CROCC2: variants seen among roughly 807,000 people sequenced by gnomAD.
CROCC2 encodes ciliary rootlet coiled-coil protein 2.
Under a neutral mutation model 177.6 loss-of-function variants are expected in CROCC2, and 163 were observed. That is an observed-to-expected ratio of 0.92 (90% confidence interval 0.81 to 1.05). The LOEUF is 1.05. Among genes scored for constraint, CROCC2 ranks in the 50% least tolerant of loss-of-function variants. The pLI, the probability that CROCC2 is intolerant of heterozygous loss-of-function variation, is 0.00. For missense variants in CROCC2, 1,929 were observed against 1,797.8 expected (o/e 1.07, Z -1.32); for synonymous variants, 904 against 787.3 (o/e 1.15, Z -2.48).
At chr2:240,985,896 C>G in intron 28 of CROCC2, 1 of 454,286 alleles carries the variant, frequency 2.2e-6, no homozygotes, top group South Asian at 1.6e-5. Context: ...GCAGGGCCCC[C>G]ACCTGGCAGG....
At position 240,949,627 on chromosome 2, in the gene CROCC2, G is replaced by A. The variant is rs2059541888; in HGVS notation, c.2577G>A (p.Glu859=). 3 of 1,550,330 alleles carry A rather than the reference G, an allele frequency of 1.9e-6. No homozygotes were observed. Among genetic ancestry groups the A allele is most frequent in the South Asian group, 1.2e-5 (1 of 84,054 alleles). The change falls in exon 17 of 32, where the codon GAG becomes GAA. Residue 859 remains glutamate (E), a synonymous_variant. Transcript: ENST00000690015. This position sits in a 1 kb window ranked among gnomAD's most constrained non-coding sequence, Gnocchi z 4.5. The part of the protein sequence containing the change: ...VRLQRQVAQQ[E]REAQRALESQ... ...TCCAGCGACAGGTGGCACAGCAGGAGCGGGAGGCACAGCGGGCCCTGGAGA... is the reference window on the plus strand; with the variant it reads ...TCCAGCGACAGGTGGCACAGCAGGAACGGGAGGCACAGCGGGCCCTGGAGA...
chr2:240,964,993 G>T (rs984921265), intron 22 of CROCC2, among the ~76,000 whole-genome samples: 1 of 152,192 alleles, frequency 6.6e-6, no homozygotes, highest in Non-Finnish European at 1.5e-5. Context: ...CTAGAGGGGA[G>T]GCCTGGCCTC....
At chr2:240,989,552 G>T in intron 29 of CROCC2, 102 bp from the exon 30 acceptor site, 2 of 1,163,948 alleles carry the variant, frequency 1.7e-6, no homozygotes, top group South Asian at 1.6e-5. Flanking sequence ...AGGGCAGTGG[G>T]GCCCACAAGG....
chr2:240,965,587 C>T (rs1186152523), intron 23 of CROCC2, 49 bp from the exon 24 acceptor site: 6 of 1,549,348 alleles, frequency 3.9e-6, no homozygotes, highest in Non-Finnish European at 5.2e-6. Context: ...GAGGCCCACC[C>T]CACTTCCTCA....
chr2:240,912,013 G>A (rs1399815911), intron 1 of CROCC2, among the ~76,000 whole-genome samples: 2 of 152,184 alleles, frequency 1.3e-5, no homozygotes, highest in African/African-American at 4.8e-5. Context: ...GCCCAGAAGT[G>A]GATGGCTGGG....
At position 240,953,702 on chromosome 2, in the gene CROCC2, C is replaced by G. The variant is rs761494600; in HGVS notation, c.2830-2157C>G. ...CACTTCCCCACACTTCCCTGAGGAA[C>G]CTGTGATGACCCAGTCACAAAACAG... On this transcript the variant is annotated intron_variant, in intron 18 of 31. Transcript: ENST00000690015. The surrounding 1 kb of genome is among the most constrained non-coding windows in gnomAD (Gnocchi z 4.0). Among the ~76,000 whole-genome samples, 2 of 152,188 alleles carry G rather than the reference C, an allele frequency of 1.3e-5. No individual in the cohort carries two copies. The highest frequency in any genetic ancestry group is 2.4e-5 in the African/African-American group (1 of 41,434).
intron 7 of CROCC2, 52 bp downstream of exon 7, chr2:240,931,180 G>C: frequency 1.5e-6 from 1 of 648,464 alleles, no homozygotes; most frequent in Non-Finnish European, 2.9e-6. Flanking sequence ...GGGGGTCGGG[G>C]CCCATCCAGC....
intron 14 of CROCC2, among the ~76,000 whole-genome samples, chr2:240,936,970 A>C (rs921742744): frequency 1.3e-5 from 2 of 152,262 alleles, no homozygotes; most frequent in African/African-American, 4.8e-5. Flanking sequence ...TACAAGTCGC[A>C]TACATATATT....
In CROCC2 at chr2:240,960,471, T is replaced by G. The variant is rs1172647733; in HGVS notation, c.3087+1027T>G. On this transcript the variant is annotated intron_variant, in intron 20 of 31. Coordinates refer to ENST00000690015, the MANE Select transcript of CROCC2 (RefSeq NM_001351305.2). The surrounding 1 kb of genome is among the most constrained non-coding windows in gnomAD (Gnocchi z 5.0). ...CACCTGGGCTCAGCGGGCAGGCAGA[T>G]TGGAGAGGCATTTCTGAGGGGGGTT... Among the ~76,000 whole-genome samples, 1 of 148,452 alleles carries G rather than the reference T, an allele frequency of 6.7e-6. No homozygotes were observed. The highest frequency in any genetic ancestry group is 1.5e-5 in the Non-Finnish European group (1 of 66,870).
At chr2:240,922,266 C>A (rs1157847011) in intron 3 of CROCC2, among the ~76,000 whole-genome samples, 1 of 152,238 alleles carries the variant, frequency 6.6e-6, no homozygotes, top group South Asian at 2.1e-4. Context: ...GTCCTCAAGG[C>A]CTGATGGGAT....
intron 26 of CROCC2, 176 bp downstream of exon 26, chr2:240,967,641 C>A: frequency 1.1e-6 from 1 of 941,488 alleles, no homozygotes; most frequent in Non-Finnish European, 1.3e-6. Context: ...CGCTTGGCAT[C>A]GGAGTTCTCA....
intron 20 of CROCC2, 57 bp from the exon 21 acceptor site, chr2:240,963,499 G>T (rs748505138): frequency 1.3e-5 from 19 of 1,450,846 alleles, no homozygotes; most frequent in Non-Finnish European, 1.7e-5. Flanking sequence ...GGCCCCTGTG[G>T]CTATCCCTGG....
At position 240,982,720 on chromosome 2, in the gene CROCC2, C is replaced by A; in HGVS notation, c.4402-160C>A. On this transcript the variant is annotated intron_variant, in intron 27 of 31. Coordinates refer to ENST00000690015, the MANE Select transcript of CROCC2 (RefSeq NM_001351305.2). This position sits in a 1 kb window ranked among gnomAD's most constrained non-coding sequence, Gnocchi z 4.7. ...TACATTGCAAACACAATCACCTGAT[C>A]AACGCACTTCAGGTTGTCCTTAACC... The A allele has an allele frequency of 1.6e-6, 1 of 612,328 alleles. No homozygotes were observed. The highest frequency in any genetic ancestry group is 2.8e-6 in the Non-Finnish European group (1 of 352,856). 37.9% of individuals were successfully genotyped at this position (612,328 alleles called of 1,614,324 possible). A position where few individuals can be genotyped will look rare whatever the true frequency, so the allele number is the denominator to read the frequency against.
intron 28 of CROCC2, 130 bp from the exon 29 acceptor site, chr2:240,988,609 C>T (rs2059855860): frequency 4.1e-6 from 4 of 984,860 alleles, no homozygotes; most frequent in East Asian, 6.5e-5. Context: ...CAGTGCCCTT[C>T]CTGACGCTGC....
intron 15 of CROCC2, among the ~76,000 whole-genome samples, 155 bp from the exon 16 acceptor site, chr2:240,948,824 C>A (rs182809410): frequency 6.6e-6 from 1 of 152,364 alleles, no homozygotes; most frequent in East Asian, 1.9e-4. Flanking sequence ...GTTAACAGCA[C>A]ATGGTGCTCC....
chr2:240,949,793 A>G lies in CROCC2; in HGVS notation c.2652+91A>G. Reference sequence around the variant, plus strand: ...CCTTGGGAGGAGGGGGCCCTGGGAGACAGAGCTCAGAGACATAGGCGCCTG... The same window carrying G: ...CCTTGGGAGGAGGGGGCCCTGGGAGGCAGAGCTCAGAGACATAGGCGCCTG... On this transcript the variant is annotated intron_variant, in intron 17 of 31. Transcript: ENST00000690015. The surrounding 1 kb of genome is among the most constrained non-coding windows in gnomAD (Gnocchi z 4.5). 5.2e-6 allele frequency: 7 copies of G among 1,354,852 alleles called. No individual in the cohort carries two copies. Among genetic ancestry groups the G allele is most frequent in the Non-Finnish European group, 5.0e-6 (5 of 1,003,910 alleles). The allele number at this position is 1,354,852 out of a possible 1,614,324, so 83.9% of individuals were successfully genotyped here.
intron 20 of CROCC2, 120 bp downstream of exon 20, chr2:240,959,564 G>A: frequency 7.7e-7 from 1 of 1,306,706 alleles, no homozygotes; most frequent in Non-Finnish European, 1.0e-6. Context: ...CACAGAGAAG[G>A]GAAGAGTAGT....
At position 240,963,840 on chromosome 2, in the gene CROCC2, G is replaced by T. The variant is rs1397927347; in HGVS notation, c.3305+67G>T. The T allele has an allele frequency of 2.7e-6, 4 of 1,502,630 alleles. No homozygotes were observed. The East Asian group carries it at 9.9e-5, about 37-fold the overall frequency. The allele number at this position is 1,502,630 out of a possible 1,614,324, so 93.1% of individuals were successfully genotyped here. A position where few individuals can be genotyped will look rare whatever the true frequency, so the allele number is the denominator to read the frequency against. Reference sequence around the variant, plus strand: ...CTGCTGCCCACCCAGGCCGTAGGGAGGATGGGGCAAGGGGGCTAGGCAGGG... The same window carrying T: ...CTGCTGCCCACCCAGGCCGTAGGGATGATGGGGCAAGGGGGCTAGGCAGGG... On this transcript the variant is annotated intron_variant, in intron 21 of 31. Coordinates refer to ENST00000690015, the MANE Select transcript of CROCC2 (RefSeq NM_001351305.2).
At chr2:240,911,137 A>G (rs34535589) in intron 1 of CROCC2, among the ~76,000 whole-genome samples, 1 of 151,972 alleles carries the variant, frequency 6.6e-6, no homozygotes, top group East Asian at 1.9e-4. Flanking sequence ...TCTCAAAAAA[A>G]ATAAAATAAA....
Sources: allele counts gnomAD v4.1 joint callset (sites outside exome capture counted in the v4.1 genomes callset), GRCh38; gene constraint gnomAD v4.1.1; non-coding constraint Gnocchi (gnomAD v3.1); transcripts MANE v1.5; gene names NCBI Gene and HGNC (gene_info 2026-07-23, HGNC 2026-07-21).